PIK3CB: variants seen among roughly 807,000 people sequenced by gnomAD.
PIK3CB encodes phosphatidylinositol 4,5-bisphosphate 3-kinase catalytic subunit beta isoform.
A neutral mutation model predicts 136.8 loss-of-function variants in PIK3CB; 39 were observed. The observed-to-expected ratio is 0.29, with a 90% CI of 0.22 to 0.37. The LOEUF (loss-of-function observed/expected upper bound fraction) is 0.37, where lower values mean the gene tolerates loss of function less well. Among genes scored for constraint, PIK3CB ranks in the 10% least tolerant of loss-of-function variants. The probability of loss-of-function intolerance (pLI) is 1.00; values close to 1 mark genes in which losing one functional copy is unlikely to be tolerated. For missense variants in PIK3CB, 868 were observed against 1,275.4 expected, an observed-to-expected ratio of 0.68 and a Z score of 4.87; for synonymous variants, 428 against 436.6, an observed-to-expected ratio of 0.98 and a Z score of 0.25.
intron 8 of PIK3CB, among the ~76,000 whole-genome samples, chr3:138,717,253 CAAA>C (rs538932107): frequency 1.0e-4 from 8 of 78,748 alleles, no homozygotes; most frequent in Admixed American, 2.5e-4. Context: ...GACGCTGTCT[CAAA>C]AAAAAAAAAA....
intron 1 of PIK3CB, among the ~76,000 whole-genome samples, chr3:138,822,639 C>T (rs1027722280): frequency 2.6e-4 from 40 of 151,362 alleles, no homozygotes; most frequent in African/African-American, 9.2e-4. Context: ...GTCAGGAGTT[C>T]GAGACGAGCC....
rs145405272 is a variant in PIK3CB, at chr3:138,681,132, C to T, written c.2504+835G>A. On this transcript the variant is annotated intron_variant, in intron 19 of 23. Coordinates refer to ENST00000674063, the MANE Select transcript of PIK3CB (RefSeq NM_006219.3). ...TGCAATCTCTGTTCCCTGCAACCTC[C>T]ACTTCCCGGGTTTAAGCGATTCTCA... Among the ~76,000 whole-genome samples the T allele has an allele frequency of 6.6e-5, 10 of 151,134 alleles. No individual in the cohort carries two copies. In the East Asian group the frequency reaches 2.0e-3, roughly 30 times the overall value.
intron 2 of PIK3CB, chr3:138,770,201 G>C (rs1424382319): frequency 2.0e-5 from 3 of 152,088 alleles, no homozygotes; most frequent in Non-Finnish European, 4.4e-5. Context: ...GTGACAATTA[G>C]TTCAATAAAC....
Position 138,665,222 on chromosome 3 carries a change from G to T in PIK3CB, c.2505-19C>A. Reference sequence around the variant, plus strand: ...CAACATCCTGGAAGGAAAAAAATGGGCATAGAGTCATATTTTCCTTAAAAT... The same window carrying T: ...CAACATCCTGGAAGGAAAAAAATGGTCATAGAGTCATATTTTCCTTAAAAT... On this transcript the variant is annotated intron_variant, in intron 19 of 23. Transcript: ENST00000674063. The T allele has an allele frequency of 6.5e-7, 1 of 1,526,756 alleles. No individual in the cohort carries two copies. The highest frequency in any genetic ancestry group is 8.9e-7 in the Non-Finnish European group (1 of 1,129,546). 94.6% of individuals were successfully genotyped at this position (1,526,756 alleles called of 1,614,324 possible). A position where few individuals can be genotyped will look rare whatever the true frequency, so the allele number is the denominator to read the frequency against.
chr3:138,660,115 T>A (rs909700974), intron 21 of PIK3CB, among the ~76,000 whole-genome samples: 1 of 152,006 alleles, frequency 6.6e-6, no homozygotes, highest in Non-Finnish European at 1.5e-5. Flanking sequence ...AAAAAAAGAA[T>A]ATGAGCCAAA....
chr3:138,806,506 A>G (rs540676903), intron 1 of PIK3CB, among the ~76,000 whole-genome samples: 1 of 152,244 alleles, frequency 6.6e-6, no homozygotes, highest in East Asian at 1.9e-4. Context: ...GATCACTGTT[A>G]TATTATTCAC....
chr3:138,781,619 A>AT (rs2045925022), intron 2 of PIK3CB, among the ~76,000 whole-genome samples: 1 of 151,842 alleles, frequency 6.6e-6, no homozygotes, highest in African/African-American at 2.4e-5. Context: ...CGCCTGGCTA[A>AT]TTTTTTTGTA....
intron 6 of PIK3CB, among the ~76,000 whole-genome samples, chr3:138,735,921 T>G (rs2108648630): frequency 6.6e-6 from 1 of 152,298 alleles, no homozygotes; most frequent in East Asian, 1.9e-4. Flanking sequence ...CTATGAAAGA[T>G]CCATTTCTCT....
At chr3:138,823,088 T>C (rs1006292918) in intron 1 of PIK3CB, among the ~76,000 whole-genome samples, 3 of 150,986 alleles carry the variant, frequency 2.0e-5, no homozygotes, top group Non-Finnish European at 4.4e-5. Flanking sequence ...GATAACACAA[T>C]GGCAACAATT....
intron 14 of PIK3CB, among the ~76,000 whole-genome samples, chr3:138,691,834 A>G (rs1464938853): frequency 6.6e-6 from 1 of 152,166 alleles, no homozygotes; most frequent in African/African-American, 2.4e-5. Context: ...TTTAATACTG[A>G]TTTCTGATCA....
chr3:138,754,042 C>T (rs2045520966), intron 4 of PIK3CB, among the ~76,000 whole-genome samples: 1 of 152,082 alleles, frequency 6.6e-6, no homozygotes, highest in Non-Finnish European at 1.5e-5. Context: ...TATACTTGTC[C>T]TGGATGATAA....
At chr3:138,825,689 C>A (rs112509682) in intron 1 of PIK3CB, 11 of 654,698 alleles carry the variant, frequency 1.7e-5, no homozygotes, top group African/African-American at 1.1e-4. Context: ...TTGCATCTGT[C>A]TCTCCAGGAT....
intron 16 of PIK3CB, among the ~76,000 whole-genome samples, chr3:138,687,836 A>C (rs554008991): frequency 1.3e-5 from 2 of 152,268 alleles, no homozygotes; most frequent in East Asian, 3.9e-4. Flanking sequence ...CACGGGGTAC[A>C]ATTTAGATAG....
At chr3:138,708,263 CTTTTTTTTT>C (rs61178842) in intron 10 of PIK3CB, among the ~76,000 whole-genome samples, 2 of 108,876 alleles carry the variant, frequency 1.8e-5, no homozygotes, top group East Asian at 3.5e-4. Flanking sequence ...TTTTCTTTTT[CTTTTTTTTT>C]TTTTTTTTTT....
chr3:138,696,170 T>A (rs2044133605), intron 13 of PIK3CB, among the ~76,000 whole-genome samples: 1 of 151,850 alleles, frequency 6.6e-6, no homozygotes, highest in African/African-American at 2.4e-5. Flanking sequence ...TAGTAATTTT[T>A]AAATTTTAAC....
At chr3:138,803,114 T>C (rs995577918) in intron 1 of PIK3CB, among the ~76,000 whole-genome samples, 1 of 152,134 alleles carries the variant, frequency 6.6e-6, no homozygotes, top group Non-Finnish European at 1.5e-5. Flanking sequence ...GGAAAGCAGA[T>C]TCTAAAGGGC....
intron 1 of PIK3CB, among the ~76,000 whole-genome samples, chr3:138,810,411 G>T (rs1932971534): frequency 6.6e-6 from 1 of 152,036 alleles, no homozygotes; most frequent in Non-Finnish European, 1.5e-5. Context: ...TCAGCCAGCT[G>T]ATCAAGGACA....
rs2043848943 is a variant in PIK3CB, at chr3:138,684,756, C to T, written c.2184G>A (p.Leu728=). ...TGGCTCTGTTTAACTTCACGGCATT[C>T]AGTTTGATTAAACTATTTAAAGTTT... ...KLKTLNSLIK[L]NAVKLNRAKG... The change falls in exon 17 of 24, where the codon CTG becomes CTA. Residue 728 remains leucine, a synonymous_variant. Transcript: ENST00000674063. 6.2e-7 allele frequency: 1 copy of T among 1,613,984 alleles called. No individual in the cohort carries two copies. Among genetic ancestry groups the T allele is most frequent in the East Asian group, 2.2e-5 (1 of 44,870 alleles).
At chr3:138,713,182 AT>A (rs759403523) in intron 9 of PIK3CB, among the ~76,000 whole-genome samples, 346 of 142,856 alleles carry the variant, frequency 2.4e-3, no homozygotes, top group Admixed American at 3.0e-3. Context: ...CTTTTAGGGT[AT>A]TTTTTTTTTT....
Sources: gnomAD v4.1 joint callset for allele counts (sites outside exome capture counted in the v4.1 genomes callset) on GRCh38, gnomAD v4.1.1 for gene constraint, MANE v1.5 for transcripts, NCBI Gene and HGNC (gene_info 2026-07-23, HGNC 2026-07-21) for gene names.